The following PROK2 variants were observed in gnomAD, a reference collection of about 807,000 sequenced individuals.
The protein encoded by PROK2 is prokineticin-2.
Under a neutral mutation model 14.2 loss-of-function variants are expected in PROK2, and 8 were observed. The observed-to-expected ratio is 0.56, with a 90% CI of 0.33 to 1.02. The LOEUF is 1.02. Among genes scored for constraint, PROK2 ranks in the 50% least tolerant of loss-of-function variants. The pLI is 0.03. For missense variants in PROK2, 154 were observed against 160.4 expected (o/e 0.96, Z 0.22); for synonymous variants, 59 against 60.7 (o/e 0.97, Z 0.13).
chr3:71,781,376 C>A lies in PROK2; in HGVS notation c.222+91G>T, dbSNP rs551558181. The A allele has an allele frequency of 8.0e-6, 12 of 1,500,014 alleles. No individual in the cohort carries two copies. The Admixed American group carries it at 2.0e-4, about 25-fold the overall frequency. 92.9% of individuals were successfully genotyped at this position (1,500,014 alleles called of 1,614,324 possible). ...AATGTCCAATATTCATTTTGTTTGT[C>A]GAGCACGTTACCCAGTCCTTCATGT... On this transcript the variant is annotated intron_variant, in intron 2 of 3. Coordinates refer to ENST00000295619, the MANE Select transcript of PROK2 (RefSeq NM_001126128.2).
chr3:71,780,232 A>G (rs2050151002), intron 2 of PROK2, among the ~76,000 whole-genome samples: 1 of 152,250 alleles, frequency 6.6e-6, no homozygotes, highest in Non-Finnish European at 1.5e-5. Flanking sequence ...GAAAGCCAAA[A>G]GCAAATTCAG....
intron 2 of PROK2, among the ~76,000 whole-genome samples, chr3:71,781,156 A>T (rs956001196): frequency 6.6e-5 from 10 of 152,226 alleles, no homozygotes; most frequent in Admixed American, 3.3e-4. Context: ...GATGCATACT[A>T]GAGTATAATA....
rs879055050 is a variant in PROK2 at position 71,772,604 on chromosome 3, C to T, written c.*120G>A. On this transcript the variant is annotated 3_prime_UTR_variant, in exon 4 of 4. Coordinates refer to ENST00000295619, the MANE Select transcript of PROK2 (RefSeq NM_001126128.2). ...TTACAAATCAAAGATAAAAATGTTA[C>T]TTGGAAAGTTGAGGAAGCAAGAGCA... 2 of 803,762 alleles carry T rather than the reference C, an allele frequency of 2.5e-6. No homozygotes were observed. The highest frequency in any genetic ancestry group is 2.1e-6 in the Non-Finnish European group (1 of 478,782). 49.8% of individuals were successfully genotyped at this position (803,762 alleles called of 1,614,324 possible). A position where few individuals can be genotyped will look rare whatever the true frequency, so the allele number is the denominator to read the frequency against.
chr3:71,781,154 C>T (rs1174323811), intron 2 of PROK2, among the ~76,000 whole-genome samples: 1 of 152,094 alleles, frequency 6.6e-6, no homozygotes, highest in African/African-American at 2.4e-5. Flanking sequence ...AAGATGCATA[C>T]TAGAGTATAA....
At chr3:71,784,719 G>GT (rs1429639065) in intron 1 of PROK2, among the ~76,000 whole-genome samples, 1 of 152,234 alleles carries the variant, frequency 6.6e-6, no homozygotes, top group African/African-American at 2.4e-5. Context: ...GGTAATAAAG[G>GT]TGGTGGGCGA....
Position 71,772,801 on chromosome 3 carries a change from G to A in PROK2, c.313C>T (p.His105Tyr), listed in dbSNP as rs201632855. Residue 105 changes from histidine to tyrosine, a missense_variant, in exon 4 of 4, where the codon CAC (histidine) becomes TAC (tyrosine). Coordinates refer to ENST00000295619, the MANE Select transcript of PROK2 (RefSeq NM_001126128.2). ...AAGCCTGGCAGACATGGGCAAGTGT[G>A]ATGCATCCTCCGCCCAAAAAATGGA... ...EVPFFGRRMH[H>Y]TCPCLPGLAC... is the part of the protein sequence containing the mutation. 6.8e-6 allele frequency: 11 copies of A among 1,614,042 alleles called. No individual in the cohort carries two copies. Among genetic ancestry groups the A allele is most frequent in the Non-Finnish European group, 1.7e-6 (2 of 1,180,040 alleles).
At chr3:71,782,208 T>A (rs1398307990) in intron 1 of PROK2, among the ~76,000 whole-genome samples, 1 of 152,222 alleles carries the variant, frequency 6.6e-6, no homozygotes, top group Non-Finnish European at 1.5e-5. Flanking sequence ...AGTCTCATAG[T>A]TTGAAAGTGG....
Position 71,777,848 on chromosome 3 carries a change from C to CT in PROK2, c.223-3342dup, listed in dbSNP as rs11309477. On this transcript the variant is annotated intron_variant, in intron 2 of 3. Coordinates refer to ENST00000295619, the MANE Select transcript of PROK2 (RefSeq NM_001126128.2). ...ATTAATAGAAACCTTGTTGTTTTGT[C>CT]TTTTTTTTTTTTTAAACAGAAAGTT... is the stretch of plus-strand genomic sequence containing the variant. Among the ~76,000 whole-genome samples, 300 of 144,606 alleles carry CT rather than the reference C, an allele frequency of 2.1e-3. 2 individuals carry two copies. The highest frequency in any genetic ancestry group is 5.6e-3 in the African/African-American group (222 of 39,712). 94.9% of individuals were successfully genotyped at this position (144,606 alleles called of 152,430 possible). A position where few individuals can be genotyped will look rare whatever the true frequency, so the allele number is the denominator to read the frequency against.
intron 2 of PROK2, 97 bp from the exon 3 acceptor site, chr3:71,774,604 C>A: frequency 7.0e-7 from 1 of 1,434,564 alleles, no homozygotes. Context: ...ACTGGCGGAG[C>A]AAGATACAGC....
intron 3 of PROK2, among the ~76,000 whole-genome samples, chr3:71,773,494 A>G (rs1324406462): frequency 1.3e-5 from 2 of 152,070 alleles, no homozygotes; most frequent in Admixed American, 6.6e-5. Context: ...ACGGCCTTTT[A>G]CTTTTTCTCA....
At position 71,774,509 on chromosome 3, in the gene PROK2, T is replaced by C. The variant is rs991290069; in HGVS notation, c.223-2A>G. The C allele has an allele frequency of 7.7e-5, 120 of 1,550,878 alleles. No homozygotes were observed. The highest frequency in any genetic ancestry group is 1.0e-4 in the Non-Finnish European group (119 of 1,146,666). Reference sequence around the variant, plus strand: ...CTGCCTTCCATTTCCAAAATTGTTCTGGAAGGGCCAGGGAGACGATTGAGA... The same window carrying C: ...CTGCCTTCCATTTCCAAAATTGTTCCGGAAGGGCCAGGGAGACGATTGAGA... On this transcript the variant is annotated splice_acceptor_variant, in intron 2 of 3. Transcript: ENST00000295619. LOFTEE classifies it high-confidence loss of function.
rs1204294225 is a variant in PROK2 at position 71,771,751 on chromosome 3, G to C, written c.*973C>G. On this transcript the variant is annotated 3_prime_UTR_variant, in exon 4 of 4. Coordinates refer to ENST00000295619, the MANE Select transcript of PROK2 (RefSeq NM_001126128.2). ...TTTTTACACAGCAATACTGATACAGGTACAAACGGCAATCCATTACAATCG... is the reference window on the plus strand; with the variant it reads ...TTTTTACACAGCAATACTGATACAGCTACAAACGGCAATCCATTACAATCG... 1 of 152,532 alleles carries C rather than the reference G, an allele frequency of 6.6e-6. No individual in the cohort carries two copies. Among genetic ancestry groups the C allele is most frequent in the East Asian group, 1.9e-4 (1 of 5,192 alleles). The allele number at this position is 152,532 out of a possible 1,614,324, so 9.4% of individuals were successfully genotyped here.
At chr3:71,779,129 A>G (rs895235285) in intron 2 of PROK2, among the ~76,000 whole-genome samples, 4 of 152,254 alleles carry the variant, frequency 2.6e-5, no homozygotes, top group Non-Finnish European at 1.5e-5. Flanking sequence ...AACACTCATC[A>G]AAACTATCGG....
intron 3 of PROK2, 46 bp downstream of exon 3, chr3:71,774,396 ATTC>A (rs2050102711): frequency 6.4e-7 from 1 of 1,551,350 alleles, no homozygotes; most frequent in African/African-American, 1.4e-5. Flanking sequence ...GTAAAGGCTA[ATTC>A]TTCTGGGCAT....
chr3:71,780,334 A>G (rs959894797), intron 2 of PROK2, among the ~76,000 whole-genome samples: 1 of 152,190 alleles, frequency 6.6e-6, no homozygotes, highest in Admixed American at 6.5e-5. Context: ...CATTCTGTTC[A>G]CTCCGAGGAG....
chr3:71,774,367 T>TC (rs1345372227), intron 3 of PROK2, 78 bp downstream of exon 3: 1 of 1,550,084 alleles, frequency 6.5e-7, no homozygotes, highest in Admixed American at 2.0e-5. Flanking sequence ...CAGACCCAAC[T>TC]CTATGGTAGT....
chr3:71,776,991 C>T (rs1026622566), intron 2 of PROK2, among the ~76,000 whole-genome samples: 4 of 152,160 alleles, frequency 2.6e-5, no homozygotes, highest in African/African-American at 9.7e-5. Context: ...TTTTGCAGCA[C>T]TTTTAAAGAG....
At position 71,781,547 on chromosome 3, in the gene PROK2, C is replaced by T. The variant is rs372129130; in HGVS notation, c.142G>A (p.Val48Ile). 1.7e-5 allele frequency: 28 copies of T among 1,612,294 alleles called. No homozygotes were observed. Among genetic ancestry groups the T allele is most frequent in the African/African-American group, 4.0e-5 (3 of 74,860 alleles). Residue 48 changes from valine to isoleucine, a missense_variant, in exon 2 of 4, where the codon GTC becomes ATC. Coordinates refer to ENST00000295619, the MANE Select transcript of PROK2 (RefSeq NM_001126128.2). ...SQCGGGMCCA[V>I]SIWVKSIRIC... ...CTTATGCTCTTGACCCAGATACTGA[C>T]AGCACAGCACATGCCTCCACCACAT...
intron 3 of PROK2, 43 bp downstream of exon 3, chr3:71,774,402 C>T (rs962283404): frequency 2.8e-5 from 43 of 1,551,394 alleles, no homozygotes; most frequent in Non-Finnish European, 3.7e-5. Context: ...GCTAATTCTT[C>T]TGGGCATGTC....
Sources: gnomAD v4.1 joint callset for allele counts (sites outside exome capture counted in the v4.1 genomes callset) on GRCh38, gnomAD v4.1.1 for gene constraint, MANE v1.5 for transcripts, NCBI Gene and HGNC (gene_info 2026-07-23, HGNC 2026-07-21) for gene names.